The following ZNF516 variants were observed in gnomAD, a reference collection of about 807,000 sequenced individuals.
ZNF516 encodes zinc finger protein 516.
Under a neutral mutation model 79.7 loss-of-function variants are expected in ZNF516, and 19 were observed. The observed-to-expected ratio is 0.24, with a 90% CI of 0.17 to 0.35. The LOEUF (loss-of-function observed/expected upper bound fraction) is 0.35. Among genes scored for constraint, ZNF516 ranks in the 10% least tolerant of loss-of-function variants. The pLI is 1.00. For synonymous variants in ZNF516, 877 were observed against 739.5 expected, an observed-to-expected ratio of 1.19 and a Z score of -3.02; for missense variants, 1,678 against 1,679.5, an observed-to-expected ratio of 1.00 and a Z score of 0.02.
intron 2 of ZNF516, among the ~76,000 whole-genome samples, chr18:76,454,931 T>C (rs1285732591): frequency 6.6e-6 from 1 of 152,166 alleles, no homozygotes; most frequent in Non-Finnish European, 1.5e-5. Context: ...CCAAAACATC[T>C]TGCCCAGCAA....
chr18:76,422,166 C>CTCCATT (rs2075516913), intron 3 of ZNF516, among the ~76,000 whole-genome samples: 1 of 152,200 alleles, frequency 6.6e-6, no homozygotes, highest in African/African-American at 2.4e-5. Flanking sequence ...CTACCATCAG[C>CTCCATT]TAGAGATGTG....
intron 2 of ZNF516, among the ~76,000 whole-genome samples, chr18:76,453,094 C>T (rs909557268): frequency 6.6e-6 from 1 of 152,104 alleles, no homozygotes; most frequent in Non-Finnish European, 1.5e-5. Context: ...AGTTGCTTTG[C>T]CAATCACTAA....
intron 3 of ZNF516, among the ~76,000 whole-genome samples, chr18:76,383,568 G>A (rs2074929197): frequency 6.9e-6 from 1 of 144,258 alleles, no homozygotes; most frequent in African/African-American, 2.6e-5. Context: ...TTCTCAGCCA[G>A]GGACCCAGGA....
At chr18:76,432,368 C>T (rs1451515023) in intron 3 of ZNF516, among the ~76,000 whole-genome samples, 3 of 152,226 alleles carry the variant, frequency 2.0e-5, no homozygotes, top group Non-Finnish European at 4.4e-5. Flanking sequence ...GTGCCAACAC[C>T]GTGCAAAGCA....
intron 3 of ZNF516, among the ~76,000 whole-genome samples, chr18:76,438,305 AG>A (rs2075771301): frequency 6.6e-6 from 1 of 152,244 alleles, no homozygotes; most frequent in South Asian, 2.1e-4. Context: ...CTCCTTGCAA[AG>A]CAATATTCGT....
Position 76,360,646 on chromosome 18 carries a change from A to AAAAAAAAAAAAATATAT in ZNF516, c.*1851_*1852insATATATTTTTTTTTTTT, listed in dbSNP as rs373540251. The AAAAAAAAAAAAATATAT allele has an allele frequency of 2.8e-5, 2 of 72,460 alleles. No individual in the cohort carries two copies. The highest frequency in any genetic ancestry group is 1.4e-4 in the Admixed American group (1 of 7,374). 4.5% of individuals were successfully genotyped at this position (72,460 alleles called of 1,614,324 possible). A position where few individuals can be genotyped will look rare whatever the true frequency, so the allele number is the denominator to read the frequency against. On this transcript the variant is annotated 3_prime_UTR_variant, in exon 7 of 7. Coordinates refer to ENST00000443185, the MANE Select transcript of ZNF516 (RefSeq NM_014643.4). ...AAAAAAATAAGTAAAAAAAAAAAAA[A>AAAAAAAAAAAAATATAT]ATATATATATATATATATATATATA...
intron 3 of ZNF516, among the ~76,000 whole-genome samples, chr18:76,391,195 G>A (rs913356729): frequency 2.6e-5 from 4 of 152,078 alleles, no homozygotes; most frequent in East Asian, 1.9e-4. Context: ...TAGGAAACAC[G>A]CTACAGGGTG....
At chr18:76,419,944 T>C (rs753146907) in intron 3 of ZNF516, among the ~76,000 whole-genome samples, 1 of 152,258 alleles carries the variant, frequency 6.6e-6, no homozygotes, top group African/African-American at 2.4e-5. Context: ...GAGTCCCCAC[T>C]GTGTGTGAGG....
At chr18:76,436,381 T>C (rs1329351736) in intron 3 of ZNF516, among the ~76,000 whole-genome samples, 3 of 152,192 alleles carry the variant, frequency 2.0e-5, no homozygotes, top group Non-Finnish European at 2.9e-5. Context: ...TTCACTCGTT[T>C]TCTCTCCTCC....
rs1208426499 is a variant in ZNF516 at position 76,441,411 on chromosome 18, C to T, written c.1644G>A (p.Gly548=). The T allele has an allele frequency of 6.2e-7, 1 of 1,608,854 alleles. No individual in the cohort carries two copies. Among genetic ancestry groups the T allele is most frequent in the Non-Finnish European group, 8.5e-7 (1 of 1,178,438 alleles). ...CGCAGCGGGCCCGCGCCGCCCTGTC[C>T]CCGTCACTGTCCCTCTCGCGGCGCG... ...RRARRERDSD[G]DRAARARCGS... Residue 548 remains glycine (G), a synonymous_variant, in exon 3 of 7, where the codon GGG becomes GGA. Coordinates refer to ENST00000443185, the MANE Select transcript of ZNF516 (RefSeq NM_014643.4).
At chr18:76,425,348 A>AT (rs2075579755) in intron 3 of ZNF516, among the ~76,000 whole-genome samples, 1 of 152,320 alleles carries the variant, frequency 6.6e-6, no homozygotes, top group African/African-American at 2.4e-5. Context: ...TTGGCCACGG[A>AT]TTTTTTCCAC....
At chr18:76,414,766 C>T (rs948567373) in intron 3 of ZNF516, among the ~76,000 whole-genome samples, 1 of 152,264 alleles carries the variant, frequency 6.6e-6, no homozygotes, top group Non-Finnish European at 1.5e-5. Flanking sequence ...TTCGCACCAA[C>T]TATGTGATAT....
rs1441146341 is a variant in ZNF516 at position 76,463,025 on chromosome 18, T to C, written c.-158+3A>G. ...GACAGGAAGGTGATCCAACTGCACC[T>C]ACCTGGGCTTTCCTGGGAATGTGGA... is the stretch of plus-strand genomic sequence containing the variant. On this transcript the variant is annotated splice_donor_region_variant and intron_variant, in intron 2 of 6. Coordinates refer to ENST00000443185, the MANE Select transcript of ZNF516 (RefSeq NM_014643.4). 1 of 152,216 alleles carries C rather than the reference T, an allele frequency of 6.6e-6. No homozygotes were observed. The highest frequency in any genetic ancestry group is 6.5e-5 in the Admixed American group (1 of 15,286). The allele number at this position is 152,216 out of a possible 1,614,324, so 9.4% of individuals were successfully genotyped here.
chr18:76,420,505 T>A (rs925517851), intron 3 of ZNF516, among the ~76,000 whole-genome samples: 4 of 152,244 alleles, frequency 2.6e-5, no homozygotes, highest in Admixed American at 2.0e-4. Flanking sequence ...ATTTTAGGTA[T>A]ATATACACTA....
chr18:76,384,001 G>A (rs145513282), intron 3 of ZNF516, among the ~76,000 whole-genome samples: 11 of 152,336 alleles, frequency 7.2e-5, no homozygotes, highest in African/African-American at 2.6e-4. Flanking sequence ...GTTACAGCCA[G>A]GTCAAAACAA....
At chr18:76,448,111 T>G (rs1912171369) in intron 2 of ZNF516, among the ~76,000 whole-genome samples, 1 of 152,230 alleles carries the variant, frequency 6.6e-6, no homozygotes, top group Non-Finnish European at 1.5e-5. Flanking sequence ...GGGGAGAGTC[T>G]GAAGAAAGGA....
At position 76,443,134 on chromosome 18, in the gene ZNF516, TC is replaced by T; in HGVS notation, c.-81del. 6.8e-7 allele frequency: 1 copy of T among 1,476,388 alleles called. No individual in the cohort carries two copies. Among genetic ancestry groups the T allele is most frequent in the Non-Finnish European group, 8.9e-7 (1 of 1,120,742 alleles). 91.5% of individuals were successfully genotyped at this position (1,476,388 alleles called of 1,614,324 possible). On this transcript the variant is annotated 5_prime_UTR_variant, in exon 3 of 7. Transcript: ENST00000443185. Reference sequence around the variant, plus strand: ...CAGGGACCGTCCTATCTCTCCATGGTCAGAAGAGCCAAAAGACGTGCCTGCT... The same window carrying T: ...CAGGGACCGTCCTATCTCTCCATGGTAGAAGAGCCAAAAGACGTGCCTGCT...
chr18:76,361,922 A>C lies in ZNF516; in HGVS notation c.*576T>G, dbSNP rs536346082. ...CCCCTCCGCCAAGCCTGCTTCCCAC[A>C]GCACCTGAACGTCACCTCCTTCCTC... On this transcript the variant is annotated 3_prime_UTR_variant, in exon 7 of 7. Coordinates refer to ENST00000443185, the MANE Select transcript of ZNF516 (RefSeq NM_014643.4). 6.6e-6 allele frequency: 1 copy of C among 152,436 alleles called. No individual in the cohort carries two copies. Among genetic ancestry groups the C allele is most frequent in the South Asian group, 2.1e-4 (1 of 4,828 alleles). 9.4% of individuals were successfully genotyped at this position (152,436 alleles called of 1,614,324 possible). A position where few individuals can be genotyped will look rare whatever the true frequency, so the allele number is the denominator to read the frequency against.
At chr18:76,382,521 G>A (rs72973737) in intron 3 of ZNF516, among the ~76,000 whole-genome samples, 126 of 152,258 alleles carry the variant, frequency 8.3e-4, no homozygotes, top group Non-Finnish European at 1.6e-3. Flanking sequence ...TTCAAAGCAC[G>A]ACTGTCGAGG....
Sources: allele counts gnomAD v4.1 joint callset (sites outside exome capture counted in the v4.1 genomes callset), GRCh38; gene constraint gnomAD v4.1.1; transcripts MANE v1.5; gene names NCBI Gene and HGNC (gene_info 2026-07-23, HGNC 2026-07-21).